Variants in ATG13 observed in about 807,000 individuals in gnomAD.
ATG13 encodes autophagy-related protein 13.
ATG13 carries 23 observed loss-of-function variants against 65.5 expected under a neutral mutation model. The observed-to-expected ratio is 0.35, with a 90% CI of 0.25 to 0.50. The LOEUF is 0.50. ATG13 is among the 20% of genes least tolerant of loss of function. The pLI, the probability that ATG13 is intolerant of heterozygous loss-of-function variation, is 0.98. For synonymous variants in ATG13, 252 were observed against 245.2 expected, an observed-to-expected ratio of 1.03 and a Z score of -0.26; for missense variants, 566 against 677.0, an observed-to-expected ratio of 0.84 and a Z score of 1.82.
At chr11:46,622,526 AAAC>A (rs2048077851) in intron 1 of ATG13, among the ~76,000 whole-genome samples, 2 of 152,320 alleles carry the variant, frequency 1.3e-5, no homozygotes, top group East Asian at 1.9e-4. Context: ...TCTAAACCAA[AAAC>A]AAAATTTTAA....
intron 18 of ATG13, among the ~76,000 whole-genome samples, chr11:46,671,225 C>T (rs987392690): frequency 1.4e-4 from 21 of 152,200 alleles, no homozygotes; most frequent in Non-Finnish European, 2.6e-4. Flanking sequence ...ACTCTCCACG[C>T]TCCCTTGTGG....
chr11:46,668,223 A>C (rs79247547), intron 15 of ATG13, among the ~76,000 whole-genome samples: 1 of 152,178 alleles, frequency 6.6e-6, no homozygotes, highest in African/African-American at 2.4e-5. Flanking sequence ...GGGCCAGTGA[A>C]GCACATTATT....
intron 2 of ATG13, among the ~76,000 whole-genome samples, chr11:46,634,697 GTTTT>G (rs1565456261): frequency 1.3e-5 from 2 of 150,774 alleles, no homozygotes; most frequent in South Asian, 2.1e-4. Context: ...GCCCAGCCTA[GTTTT>G]TTTGTTTGTT....
chr11:46,652,080 C>G (rs1254237914), intron 7 of ATG13, among the ~76,000 whole-genome samples: 1 of 151,988 alleles, frequency 6.6e-6, no homozygotes, highest in Non-Finnish European at 1.5e-5. Context: ...AACACTGTCT[C>G]TACTAAAAAT....
rs1467627181 is a variant in ATG13 at position 46,659,412 on chromosome 11, G to A, written c.716G>A (p.Gly239Glu). 1.2e-6 allele frequency: 2 copies of A among 1,613,648 alleles called. No individual in the cohort carries two copies. ...TTTAGAACTGCTGGTGAGGACACTGGAGTAATATACCCGTCTGTAGAAGAC... is the reference window on the plus strand; with the variant it reads ...TTTAGAACTGCTGGTGAGGACACTGAAGTAATATACCCGTCTGTAGAAGAC... ...CNYRTAGEDT[G>E]VIYPSVEDSQ... Residue 239 changes from glycine (G) to glutamate (E), a missense_variant, in exon 11 of 19, where the codon GGA becomes GAA. By Grantham distance (98) the Gly-to-Glu change is moderately conservative (BLOSUM62 -2). This residue lies in a region of ATG13 where 387 missense variants were observed against 409.8 expected (regional missense o/e 0.94). Coordinates refer to ENST00000683050, the MANE Select transcript of ATG13 (RefSeq NM_001346311.2).
chr11:46,635,578 A>G (rs968598911), intron 2 of ATG13, among the ~76,000 whole-genome samples: 36 of 152,326 alleles, frequency 2.4e-4, no homozygotes, highest in Admixed American at 1.7e-3. Flanking sequence ...GGTTTCTTTA[A>G]TGTTTGTATC....
At position 46,664,976 on chromosome 11, in the gene ATG13, G is replaced by A; in HGVS notation, c.999+17G>A. 1 of 1,605,948 alleles carries A rather than the reference G, an allele frequency of 6.2e-7. No homozygotes were observed. Among genetic ancestry groups the A allele is most frequent in the Non-Finnish European group, 8.5e-7 (1 of 1,172,730 alleles). ...CCTCACCAGGTATCTTTAAAGATGG[G>A]GAGGACTATGGGTTTCCAGTGCTGC... On this transcript the variant is annotated intron_variant, in intron 13 of 18. Coordinates refer to ENST00000683050, the MANE Select transcript of ATG13 (RefSeq NM_001346311.2).
intron 1 of ATG13, among the ~76,000 whole-genome samples, chr11:46,624,694 A>G (rs544222148): frequency 1.8e-4 from 27 of 152,268 alleles, no homozygotes; most frequent in Admixed American, 1.6e-3. Context: ...ATTGTTGTCC[A>G]GGCCAAGGTG....
At chr11:46,662,043 G>T (rs905895911) in intron 11 of ATG13, among the ~76,000 whole-genome samples, 1 of 152,090 alleles carries the variant, frequency 6.6e-6, no homozygotes, top group African/African-American at 2.4e-5. Context: ...ACATATGTAG[G>T]CATGAATGTC....
intron 1 of ATG13, among the ~76,000 whole-genome samples, chr11:46,620,643 C>T (rs543952685): frequency 7.3e-4 from 111 of 151,762 alleles, no homozygotes; most frequent in African/African-American, 2.3e-3. Flanking sequence ...GGCGTGGTGG[C>T]GCATGTCTGT....
chr11:46,669,025 G>A, intron 17 of ATG13, 115 bp downstream of exon 17: 1 of 900,866 alleles, frequency 1.1e-6, no homozygotes, highest in Non-Finnish European at 1.7e-6. Flanking sequence ...GGTGTAGACA[G>A]AAGGGATGGA....
intron 12 of ATG13, among the ~76,000 whole-genome samples, chr11:46,664,486 T>C (rs2061854740): frequency 6.6e-6 from 1 of 152,194 alleles, no homozygotes; most frequent in Non-Finnish European, 1.5e-5. Flanking sequence ...AGAATGACTT[T>C]GGAGAACCTG....
chr11:46,669,774 T>A (rs147184851), intron 18 of ATG13, among the ~76,000 whole-genome samples: 71 of 152,284 alleles, frequency 4.7e-4, no homozygotes, highest in African/African-American at 1.6e-3. Context: ...CTCCTGTTGT[T>A]CTGTGCCTGA....
At chr11:46,654,934 AC>A (rs527480524) in intron 7 of ATG13, among the ~76,000 whole-genome samples, 80 of 151,432 alleles carry the variant, frequency 5.3e-4, no homozygotes, top group Middle Eastern at 3.4e-3. Context: ...CCCTGTCTCT[AC>A]CAAAAATACA....
chr11:46,622,642 T>G (rs2048121696), intron 1 of ATG13, among the ~76,000 whole-genome samples: 1 of 152,216 alleles, frequency 6.6e-6, no homozygotes, highest in African/African-American at 2.4e-5. Flanking sequence ...TGGTGTCTGC[T>G]GAATCAAAGG....
chr11:46,663,332 T>C (rs909187619), intron 11 of ATG13, among the ~76,000 whole-genome samples: 15 of 151,114 alleles, frequency 9.9e-5, no homozygotes, highest in African/African-American at 3.7e-4. Flanking sequence ...ATAATCATTA[T>C]GCCCTTAAGT....
intron 5 of ATG13, among the ~76,000 whole-genome samples, chr11:46,647,879 G>A (rs954839926): frequency 1.3e-4 from 20 of 151,396 alleles, no homozygotes; most frequent in South Asian, 4.2e-4. Flanking sequence ...CAAAAGTGCC[G>A]GGATTATAGG....
chr11:46,626,119 C>A (rs550460291), intron 1 of ATG13, among the ~76,000 whole-genome samples: 86 of 152,220 alleles, frequency 5.6e-4, no homozygotes, highest in African/African-American at 1.9e-3. Context: ...CCACGCCCAG[C>A]TAATTTTTTG....
intron 16 of ATG13, 75 bp from the exon 17 acceptor site, chr11:46,668,719 G>T: frequency 2.0e-6 from 3 of 1,506,750 alleles, no homozygotes; most frequent in Non-Finnish European, 2.8e-6. Flanking sequence ...GTTCTTCCCA[G>T]AATTTTCAGA....
Sources: allele counts gnomAD v4.1 joint callset (sites outside exome capture counted in the v4.1 genomes callset), GRCh38; gene constraint gnomAD v4.1.1; regional missense constraint gnomAD v4.1.1; transcripts MANE v1.5; gene names NCBI Gene and HGNC (gene_info 2026-07-23, HGNC 2026-07-21).